OPHN1: variants seen among roughly 807,000 people sequenced by gnomAD.
The protein encoded by OPHN1 is oligophrenin-1.
In OPHN1, 11 loss-of-function variants were observed where a neutral mutation model predicts 60.7. The ratio of observed to expected loss-of-function variants is 0.18; its 90% CI spans 0.11 to 0.30. The LOEUF is 0.30. OPHN1 is among the 10% of genes least tolerant of loss of function. The probability of loss-of-function intolerance (pLI) is 1.00; values close to 1 mark genes in which losing one functional copy is unlikely to be tolerated. For missense variants in OPHN1, 449 were observed against 611.0 expected (o/e 0.73, Z 2.80); for synonymous variants, 226 against 222.6 (o/e 1.02, Z -0.14).
intron 16 of OPHN1, among the ~76,000 whole-genome samples, chrX:68,116,120 T>C (rs1443940233): frequency 1.8e-5 from 2 of 111,630 alleles, no homozygotes; most frequent in African/African-American, 3.3e-5. Flanking sequence ...TTTTATTGTG[T>C]GGAGGAATCT....
rs866573467 is a variant in OPHN1, at chrX:68,053,946, C to A, written c.2159-136G>T. The A allele has an allele frequency of 1.1e-4, 52 of 481,374 alleles. 1 individual carries two copies. The South Asian group carries it at 1.8e-3, about 17-fold the overall frequency. 39.7% of individuals were successfully genotyped at this position (481,374 alleles called of 1,213,427 possible). A position where few individuals can be genotyped will look rare whatever the true frequency, so the allele number is the denominator to read the frequency against. On this transcript the variant is annotated intron_variant, in intron 21 of 24. Transcript: ENST00000355520. ...TCTTCTTGGTGACTAACAACTCTGG[C>A]TATTTTTTTTTTTTTTTGTAATTTT...
Position 68,073,297 on chromosome X carries a change from G to A in OPHN1, c.1689C>T (p.Ile563=), listed in dbSNP as rs2076941820. The change falls in exon 20 of 25, where the codon ATC becomes ATT. Residue 563 remains isoleucine (I), a splice_region_variant and synonymous_variant. Coordinates refer to ENST00000355520, the MANE Select transcript of OPHN1 (RefSeq NM_002547.3). ...VEILIEHFGK[I]YLGPPEESAA... is the part of the protein sequence containing the mutation. The stretch of plus-strand genomic sequence containing the variant: ...CGCTTTCCTCAGGTGGACCTAAATA[G>A]ATCTGTGGAGAAAGAAGGAAGATAT... 8.4e-7 allele frequency: 1 copy of A among 1,195,837 alleles called. No homozygotes were observed. Among genetic ancestry groups the A allele is most frequent in the Non-Finnish European group, 1.1e-6 (1 of 886,628 alleles).
intron 2 of OPHN1, among the ~76,000 whole-genome samples, chrX:68,376,575 T>G (rs1028198928): frequency 9.9e-5 from 11 of 111,265 alleles, no homozygotes; most frequent in African/African-American, 3.6e-4. Flanking sequence ...AGAAGGAGTG[T>G]GGCCACACTG....
chrX:68,044,370 CCATAATTTCTTTCTCTG>C lies in OPHN1; in HGVS notation c.*2785_*2801del, dbSNP rs2076825846. 8.9e-6 allele frequency: 1 copy of C among 112,506 alleles called. No individual in the cohort carries two copies. The highest frequency in any genetic ancestry group is 1.9e-5 in the Non-Finnish European group (1 of 53,292). 9.3% of individuals were successfully genotyped at this position (112,506 alleles called of 1,213,427 possible). ...GAGTTGTTTACTTTAGCCCCCTGGG[CCATAATTTCTTTCTCTG>C]TAAAATGAGAATACTTGCATGAATA... On this transcript the variant is annotated 3_prime_UTR_variant, in exon 25 of 25. Transcript: ENST00000355520.
intron 15 of OPHN1, among the ~76,000 whole-genome samples, chrX:68,144,974 A>G (rs1052048196): frequency 1.8e-5 from 2 of 111,911 alleles, no homozygotes; most frequent in Non-Finnish European, 3.8e-5. Context: ...GTGGAAGATC[A>G]TATTATTAGA....
intron 23 of OPHN1, 35 bp from the exon 24 acceptor site, chrX:68,048,492 A>G: frequency 8.5e-7 from 1 of 1,171,733 alleles, no homozygotes; most frequent in South Asian, 1.8e-5. Flanking sequence ...CTAAGATTCT[A>G]GAAATCAGGA....
chrX:68,248,298 C>G (rs2077816913), intron 5 of OPHN1, among the ~76,000 whole-genome samples: 1 of 86,852 alleles, frequency 1.2e-5, no homozygotes, highest in South Asian at 4.8e-4. Flanking sequence ...ATAGACATTT[C>G]TCAAAAAAAA....
chrX:68,062,164 C>T (rs758707342), intron 21 of OPHN1, among the ~76,000 whole-genome samples: 1 of 112,087 alleles, frequency 8.9e-6, no homozygotes, highest in African/African-American at 3.2e-5. Flanking sequence ...CATTTCCTTG[C>T]TATCCTACCT....
intron 19 of OPHN1, among the ~76,000 whole-genome samples, chrX:68,090,524 T>A (rs1157782263): frequency 9.1e-6 from 1 of 110,386 alleles, no homozygotes; most frequent in Admixed American, 9.8e-5. Context: ...ACTGGAAGGG[T>A]CTGTTTCCTC....
chrX:68,359,579 G>A (rs190428508), intron 2 of OPHN1, among the ~76,000 whole-genome samples: 94 of 110,858 alleles, frequency 8.5e-4, no homozygotes, highest in East Asian at 5.9e-3. Flanking sequence ...AGTACAGGCC[G>A]GGTGCAGTGA....
At chrX:68,294,091 A>G (rs917684521) in intron 3 of OPHN1, among the ~76,000 whole-genome samples, 2 of 111,242 alleles carry the variant, frequency 1.8e-5, no homozygotes, top group Non-Finnish European at 3.8e-5. Context: ...GATGTGTTCT[A>G]TGTCTCTGAA....
At chrX:68,205,969 A>AGTGTGTGTGTGTGT (rs1178548038) in intron 10 of OPHN1, among the ~76,000 whole-genome samples, 5 of 48,093 alleles carry the variant, frequency 1.0e-4, no homozygotes, top group African/African-American at 2.6e-4. Context: ...TGTGTGTGTG[A>AGTGTGTGTGTGTGT]GTGTGTGTGA....
At chrX:68,295,408 T>C in intron 3 of OPHN1, among the ~76,000 whole-genome samples, 1 of 112,268 alleles carries the variant, frequency 8.9e-6, no homozygotes, top group Non-Finnish European at 1.9e-5. Context: ...ATAAGTATTA[T>C]CTGATTTGCT....
chrX:68,210,249 T>C lies in OPHN1; in HGVS notation c.736A>G (p.Met246Val). 8.3e-7 allele frequency: 1 copy of C among 1,209,225 alleles called. No homozygotes were observed. Among genetic ancestry groups the C allele is most frequent in the Non-Finnish European group, 1.1e-6 (1 of 893,388 alleles). Residue 246 changes from methionine to valine, a missense_variant, in exon 9 of 25, where the codon ATG becomes GTG. Coordinates refer to ENST00000355520, the MANE Select transcript of OPHN1 (RefSeq NM_002547.3). ...TTCATCCTTTTCTTAAGTTCTTCCATCTCTTCCCGGGTACTGGAGAAATGA... is the reference window on the plus strand; with the variant it reads ...TTCATCCTTTTCTTAAGTTCTTCCACCTCTTCCCGGGTACTGGAGAAATGA... ...RNHFSSTREEMEELKKRMKEA... is the reference protein window; with the variant it reads ...RNHFSSTREEVEELKKRMKEA...
chrX:68,113,640 C>T (rs903157103), intron 16 of OPHN1, among the ~76,000 whole-genome samples: 4 of 110,317 alleles, frequency 3.6e-5, no homozygotes, highest in Non-Finnish European at 7.6e-5. Flanking sequence ...TCCCCATTTA[C>T]GGGAGGAGGA....
chrX:68,254,957 T>C (rs930675755), intron 5 of OPHN1, among the ~76,000 whole-genome samples: 8 of 104,339 alleles, frequency 7.7e-5, no homozygotes, highest in Admixed American at 2.1e-4. Flanking sequence ...AAGGCAGAGG[T>C]TGCAGTAAGC....
At chrX:68,423,894 T>C (rs763619399) in intron 2 of OPHN1, among the ~76,000 whole-genome samples, 23 of 111,940 alleles carry the variant, frequency 2.1e-4, no homozygotes, top group African/African-American at 7.1e-4. Context: ...GGGCCAGTCA[T>C]GGTGGCTCAC....
At position 68,045,786 on chromosome X, in the gene OPHN1, A is replaced by T. The variant is rs940873567; in HGVS notation, c.*1386T>A. ...TCCTAACATTTTTCACTTGGTGGCA[A>T]ATATTCAAGAAAAAGGGTAAAAGCC... On this transcript the variant is annotated 3_prime_UTR_variant, in exon 25 of 25. Transcript: ENST00000355520. 9.8e-5 allele frequency: 11 copies of T among 111,944 alleles called. No individual in the cohort carries two copies. The highest frequency in any genetic ancestry group is 3.6e-4 in the African/African-American group (11 of 30,765). 9.2% of individuals were successfully genotyped at this position (111,944 alleles called of 1,213,427 possible).
At chrX:68,393,562 CATG>C (rs1387960536) in intron 2 of OPHN1, among the ~76,000 whole-genome samples, 3 of 112,047 alleles carry the variant, frequency 2.7e-5, no homozygotes, top group Non-Finnish European at 5.6e-5. Flanking sequence ...TGCATTTATT[CATG>C]ATACTTTTTC....
Sources: allele counts gnomAD v4.1 joint callset (sites outside exome capture counted in the v4.1 genomes callset), GRCh38; gene constraint gnomAD v4.1.1; transcripts MANE v1.5; gene names NCBI Gene and HGNC (gene_info 2026-07-23, HGNC 2026-07-21).